FGF13: variants seen among roughly 807,000 people sequenced by gnomAD.
The protein encoded by FGF13 is fibroblast growth factor homologous factor 2.
A neutral mutation model predicts 19.5 loss-of-function variants in FGF13; 2 were observed. The observed-to-expected ratio is 0.10, with a 90% CI of 0.04 to 0.32. The LOEUF (loss-of-function observed/expected upper bound fraction) is 0.32, where lower values mean the gene tolerates loss of function less well. Ranked by LOEUF, FGF13 falls within the 10% of genes least tolerant of loss-of-function variation. The pLI is 1.00. For missense variants in FGF13, 113 were observed against 192.7 expected (o/e 0.59, Z 2.45); for synonymous variants, 72 against 76.9 (o/e 0.94, Z 0.33).
chrX:139,005,029 G>T (rs1272154358), intron 1 of FGF13, among the ~76,000 whole-genome samples: 1 of 112,085 alleles, frequency 8.9e-6, no homozygotes, highest in African/African-American at 3.2e-5. Flanking sequence ...AGCCTGGCAG[G>T]CTTAAGCACC....
intron 3 of FGF13, among the ~76,000 whole-genome samples, chrX:138,836,033 G>C (rs1032001336): frequency 9.0e-6 from 1 of 110,985 alleles, no homozygotes; most frequent in Admixed American, 9.6e-5. Flanking sequence ...TAGCTTACAG[G>C]GTTTCAAGTG....
At chrX:138,951,609 T>C (rs1012127907) in intron 1 of FGF13, among the ~76,000 whole-genome samples, 4 of 111,723 alleles carry the variant, frequency 3.6e-5, no homozygotes, top group Non-Finnish European at 5.7e-5. Flanking sequence ...CAAAGCAAGA[T>C]ATATGAGTGG....
chrX:138,690,253 CT>C (rs1399957993), intron 3 of FGF13, among the ~76,000 whole-genome samples: 2 of 110,855 alleles, frequency 1.8e-5, no homozygotes, highest in African/African-American at 3.3e-5. Context: ...AATGATAACT[CT>C]TTTTTTTAGA....
rs182762578 is a variant in FGF13, at chrX:139,146,683, G to A, written c.-113+56733C>T. Among the ~76,000 whole-genome samples, 8 of 111,667 alleles carry A rather than the reference G, an allele frequency of 7.2e-5. No individual in the cohort carries two copies. The South Asian group carries it at 1.1e-3, about 16-fold the overall frequency. On this transcript the variant is annotated intron_variant, in intron 1 of 2. Coordinates refer to the FGF13 transcript ENST00000421460. ...ACACATACACATGTATGTTTATAGC[G>A]GCACTACTCACAATAGCAAAGACTT... is the stretch of plus-strand genomic sequence containing the variant.
chrX:138,923,375 C>A lies in FGF13; in HGVS notation c.-112-58725G>T, dbSNP rs755941854. On this transcript the variant is annotated intron_variant, in intron 1 of 2. Transcript: ENST00000421460. ...CCTAATCCATTTATTTTCAGCTCCA[C>A]TAACTTACTAAAGGATCAAACGGAA... is the stretch of plus-strand genomic sequence containing the variant. Among the ~76,000 whole-genome samples, 3 of 112,100 alleles carry A rather than the reference C, an allele frequency of 2.7e-5. No homozygotes were observed. The East Asian group carries it at 8.5e-4, about 32-fold the overall frequency.
At chrX:139,086,991 G>A (rs2060841503) in intron 1 of FGF13, among the ~76,000 whole-genome samples, 1 of 112,548 alleles carries the variant, frequency 8.9e-6, no homozygotes, top group South Asian at 3.6e-4. Context: ...AGCTCAGCCA[G>A]TTCATTTTAA....
chrX:138,779,164 T>C (rs950855854), intron 3 of FGF13, among the ~76,000 whole-genome samples: 2 of 110,278 alleles, frequency 1.8e-5, no homozygotes, highest in African/African-American at 3.3e-5. Context: ...AACCCATCTG[T>C]ACATCACCAT....
chrX:138,908,887 T>G (rs1261466547), intron 1 of FGF13, among the ~76,000 whole-genome samples: 6 of 112,355 alleles, frequency 5.3e-5, no homozygotes, highest in Non-Finnish European at 1.1e-4. Flanking sequence ...GCAATGTCTT[T>G]ATTTCAAATT....
At chrX:139,031,136 C>T (rs531696602) in intron 1 of FGF13, among the ~76,000 whole-genome samples, 12 of 111,581 alleles carry the variant, frequency 1.1e-4, no homozygotes, top group South Asian at 3.7e-4. Context: ...CTCAGAGCCA[C>T]TTTACAATAA....
intron 1 of FGF13, among the ~76,000 whole-genome samples, chrX:139,201,129 C>G (rs766989255): frequency 8.9e-6 from 1 of 111,943 alleles, no homozygotes; most frequent in Non-Finnish European, 1.9e-5. Flanking sequence ...GCCCCCTTTC[C>G]AAACAGAACA....
chrX:138,994,793 T>A (rs765591084), intron 1 of FGF13, among the ~76,000 whole-genome samples: 8 of 110,834 alleles, frequency 7.2e-5, no homozygotes, highest in Non-Finnish European at 1.5e-4. Flanking sequence ...TTATAAACAA[T>A]GTTACGTGTT....
chrX:138,740,128 T>C (rs778629008), upstream of FGF13, among the ~76,000 whole-genome samples: 5 of 112,015 alleles, frequency 4.5e-5, no homozygotes, highest in Non-Finnish European at 9.4e-5. Context: ...ACTATTTTTG[T>C]TAAAAATTCA....
chrX:138,857,501 C>A (rs543119503), downstream of FGF13: 173 of 1,178,252 alleles, frequency 1.5e-4, 3 homozygotes, highest in South Asian at 1.7e-3. Flanking sequence ...ACGCGTCTGT[C>A]GTGCACAAAC....
At chrX:139,144,259 G>A (rs2083869268) in intron 1 of FGF13, among the ~76,000 whole-genome samples, 1 of 108,409 alleles carries the variant, frequency 9.2e-6, no homozygotes, top group Non-Finnish European at 1.9e-5. Context: ...CTTAAGTTCA[G>A]CCCAGCCCTT....
At chrX:138,988,532 G>T (rs976628399) in intron 1 of FGF13, among the ~76,000 whole-genome samples, 1 of 111,909 alleles carries the variant, frequency 8.9e-6, no homozygotes, top group Non-Finnish European at 1.9e-5. Flanking sequence ...TTTCTAAAAG[G>T]CTCCAGGTTC....
intron 2 of FGF13, among the ~76,000 whole-genome samples, chrX:138,862,115 A>G (rs1188699462): frequency 8.9e-6 from 1 of 112,268 alleles, no homozygotes; most frequent in African/African-American, 3.2e-5. Context: ...CCTGTCTCCA[A>G]AAAACTTTTT....
chrX:138,684,582 T>C (rs1267133373), intron 3 of FGF13, among the ~76,000 whole-genome samples: 2 of 111,448 alleles, frequency 1.8e-5, no homozygotes, highest in Non-Finnish European at 3.8e-5. Context: ...TTCAAATAGG[T>C]TAAAATATGG....
At chrX:139,065,405 G>T (rs1322002592) in intron 1 of FGF13, among the ~76,000 whole-genome samples, 1 of 102,652 alleles carries the variant, frequency 9.7e-6, no homozygotes, top group Admixed American at 1.1e-4. Flanking sequence ...ATACTCAGGA[G>T]ACCCATCTCA....
At chrX:138,666,708 T>C (rs2089549627) in intron 3 of FGF13, among the ~76,000 whole-genome samples, 1 of 111,382 alleles carries the variant, frequency 9.0e-6, no homozygotes, top group Admixed American at 9.6e-5. Flanking sequence ...AATTTTAAAG[T>C]GTTAGATATA....
Sources: allele counts gnomAD v4.1 joint callset (sites outside exome capture counted in the v4.1 genomes callset), GRCh38; gene constraint gnomAD v4.1.1; transcripts MANE v1.5; gene names NCBI Gene and HGNC (gene_info 2026-07-23, HGNC 2026-07-21).